The following DENND5B variants were observed in gnomAD, a reference collection of about 807,000 sequenced individuals.
The protein encoded by DENND5B is DENN domain-containing protein 5B.
Under a neutral mutation model 140.6 loss-of-function variants are expected in DENND5B, and 34 were observed. The ratio of observed to expected loss-of-function variants is 0.24; its 90% CI spans 0.18 to 0.32. DENND5B has a LOEUF of 0.32. Ranked by LOEUF, DENND5B falls within the 10% of genes least tolerant of loss-of-function variation. The pLI is 1.00. For missense variants in DENND5B, 1,142 were observed against 1,560.2 expected (o/e 0.73, Z 4.52); for synonymous variants, 551 against 562.1 (o/e 0.98, Z 0.28).
chr12:31,402,561 T>C lies in DENND5B; in HGVS notation c.2886A>G (p.Ser962=). 6.2e-7 allele frequency: 1 copy of C among 1,613,942 alleles called. No individual in the cohort carries two copies. ...IITSNPWICV[S]GELGDTGVMQ... ...TTACTCCTGTGTCTCCCAGCTCTCCTGATACACAGATCCAAGGGTTTGATG... is the reference window on the plus strand; with the variant it reads ...TTACTCCTGTGTCTCCCAGCTCTCCCGATACACAGATCCAAGGGTTTGATG... The change falls in exon 15 of 21, where the codon TCA becomes TCG. Residue 962 remains serine (S), a synonymous_variant. Transcript: ENST00000389082.
At position 31,452,262 on chromosome 12, in the gene DENND5B, T is replaced by C. The variant is rs1593201813; in HGVS notation, c.1307A>G (p.Asn436Ser). Reference protein sequence around the residue: ...KDLVNDKKNGNVCTNNISMYE... With the variant: ...KDLVNDKKNGSVCTNNISMYE... ...CATGCTGATGTTATTAGTACAGACA[T>C]TGCCGTTCTTTTTGTCATTGACCAA... Residue 436 changes from asparagine (N) to serine (S), a missense_variant, in exon 5 of 21, where the codon AAT becomes AGT. Coordinates refer to ENST00000389082, the MANE Select transcript of DENND5B (RefSeq NM_144973.4). 1.2e-6 allele frequency: 2 copies of C among 1,613,982 alleles called. No individual in the cohort carries two copies. The highest frequency in any genetic ancestry group is 1.7e-6 in the Non-Finnish European group (2 of 1,179,880).
intron 17 of DENND5B, among the ~76,000 whole-genome samples, chr12:31,397,798 C>A (rs1941566611): frequency 7.5e-6 from 1 of 133,606 alleles, no homozygotes; most frequent in African/African-American, 2.6e-5. Flanking sequence ...ATGTTGTGTG[C>A]CTGTAGTCCC....
intron 1 of DENND5B, among the ~76,000 whole-genome samples, chr12:31,576,884 G>A (rs1228414084): frequency 1.6e-5 from 2 of 126,640 alleles, no homozygotes; most frequent in Non-Finnish European, 1.6e-5. Context: ...GGGCAGCAGA[G>A]TGAGACCTTA....
At chr12:31,546,155 CTATATA>C (rs758250250) in intron 1 of DENND5B, among the ~76,000 whole-genome samples, 6 of 151,656 alleles carry the variant, frequency 4.0e-5, no homozygotes, top group Admixed American at 6.6e-5. Context: ...AAATTAGAAA[CTATATA>C]TATATGCTAT....
intron 8 of DENND5B, among the ~76,000 whole-genome samples, chr12:31,431,113 G>C (rs1460015335): frequency 6.6e-6 from 1 of 152,202 alleles, no homozygotes; most frequent in East Asian, 1.9e-4. Flanking sequence ...TTTCTTCTGA[G>C]ATTACTACTG....
intron 5 of DENND5B, among the ~76,000 whole-genome samples, chr12:31,450,763 G>C (rs1304905314): frequency 6.6e-6 from 1 of 152,110 alleles, no homozygotes; most frequent in Non-Finnish European, 1.5e-5. Flanking sequence ...ATGACCCAAA[G>C]AGGCCACTTA....
intron 3 of DENND5B, among the ~76,000 whole-genome samples, chr12:31,478,973 CTTCT>C (rs1287830423): frequency 3.3e-5 from 5 of 151,880 alleles, no homozygotes; most frequent in East Asian, 1.9e-4. Flanking sequence ...AGATAACTTC[CTTCT>C]GAGATTAAAA....
intron 7 of DENND5B, among the ~76,000 whole-genome samples, chr12:31,440,503 T>C (rs1428544300): frequency 2.0e-5 from 3 of 152,210 alleles, no homozygotes; most frequent in Non-Finnish European, 1.5e-5. Flanking sequence ...TTGAACAATT[T>C]TCCTCCCCAA....
At position 31,500,545 on chromosome 12, in the gene DENND5B, T is replaced by G. The variant is rs573676759; in HGVS notation, c.128-4626A>C. 63 of 334,020 alleles carry G rather than the reference T, an allele frequency of 1.9e-4. 3 individuals carry two copies. Among genetic ancestry groups the G allele is most frequent in the South Asian group, 1.4e-3 (62 of 43,828 alleles). The allele number at this position is 334,020 out of a possible 1,614,324, so 20.7% of individuals were successfully genotyped here. On this transcript the variant is annotated intron_variant, in intron 1 of 20. Coordinates refer to ENST00000389082, the MANE Select transcript of DENND5B (RefSeq NM_144973.4). Reference sequence around the variant, plus strand: ...AAATACAAAAATTAGCTGGGCATGGTGGTGGGTGCCCATAATCCCAGTTAC... The same window carrying G: ...AAATACAAAAATTAGCTGGGCATGGGGGTGGGTGCCCATAATCCCAGTTAC...
At chr12:31,509,845 T>G (rs1286677002) in intron 1 of DENND5B, among the ~76,000 whole-genome samples, 1 of 152,126 alleles carries the variant, frequency 6.6e-6, no homozygotes, top group African/African-American at 2.4e-5. Context: ...AGGTGATGTT[T>G]GAGCAAACTT....
chr12:31,583,443 G>A (rs972791426), intron 1 of DENND5B, among the ~76,000 whole-genome samples: 3 of 151,968 alleles, frequency 2.0e-5, no homozygotes, highest in South Asian at 2.1e-4. Flanking sequence ...TTGGGAGGCC[G>A]AGGCAGGAGG....
chr12:31,392,850 G>A (rs537320413), intron 17 of DENND5B, among the ~76,000 whole-genome samples, 154 bp from the exon 18 acceptor site: 1 of 152,192 alleles, frequency 6.6e-6, no homozygotes, highest in Non-Finnish European at 1.5e-5. Context: ...GGCCTGTTTG[G>A]CCAAGTGGGA....
At chr12:31,443,714 G>A (rs774315754) in intron 6 of DENND5B, 4 of 152,038 alleles carry the variant, frequency 2.6e-5, no homozygotes, top group East Asian at 1.9e-4. Flanking sequence ...TTAAATATTC[G>A]TGGTTCTCCA....
chr12:31,568,240 A>G (rs1168577428), intron 1 of DENND5B, among the ~76,000 whole-genome samples: 1 of 152,254 alleles, frequency 6.6e-6, no homozygotes, highest in Non-Finnish European at 1.5e-5. Context: ...CATATGAAAT[A>G]TAAGTGAATT....
intron 1 of DENND5B, among the ~76,000 whole-genome samples, chr12:31,545,327 T>C (rs773165388): frequency 2.6e-5 from 4 of 152,162 alleles, no homozygotes; most frequent in Non-Finnish European, 5.9e-5. Context: ...GGGGTACAAA[T>C]GTTCCCACGT....
At chr12:31,429,898 G>A (rs1034382242) in intron 8 of DENND5B, among the ~76,000 whole-genome samples, 5 of 151,870 alleles carry the variant, frequency 3.3e-5, no homozygotes, top group East Asian at 3.9e-4. Context: ...GTACAGATGG[G>A]GTTTCACCAT....
At chr12:31,412,104 T>C (rs962758575) in intron 13 of DENND5B, among the ~76,000 whole-genome samples, 1 of 152,046 alleles carries the variant, frequency 6.6e-6, no homozygotes, top group Admixed American at 6.6e-5. Context: ...CCTGCCACCA[T>C]GCCCGGTTAA....
intron 19 of DENND5B, 77 bp downstream of exon 19, chr12:31,392,190 C>T: frequency 5.3e-6 from 8 of 1,500,706 alleles, no homozygotes; most frequent in Non-Finnish European, 6.4e-6. Flanking sequence ...AACCCTTATT[C>T]ACTCAGATTC....
At chr12:31,472,922 A>G (rs1392865831) in intron 3 of DENND5B, among the ~76,000 whole-genome samples, 2 of 151,698 alleles carry the variant, frequency 1.3e-5, no homozygotes, top group African/African-American at 2.4e-5. Flanking sequence ...ATGCTGTTGC[A>G]CCAAAATCTT....
Sources: allele counts gnomAD v4.1 joint callset (sites outside exome capture counted in the v4.1 genomes callset), GRCh38; gene constraint gnomAD v4.1.1; transcripts MANE v1.5; gene names NCBI Gene and HGNC (gene_info 2026-07-23, HGNC 2026-07-21).